The following NAA25 variants were observed in gnomAD, a reference collection of about 807,000 sequenced individuals.
NAA25 encodes the protein N-alpha-acetyltransferase 25, NatB auxiliary subunit.
Under a neutral mutation model 132.5 loss-of-function variants are expected in NAA25, and 30 were observed. That is an observed-to-expected ratio of 0.23 (90% confidence interval 0.17 to 0.31). The LOEUF is 0.31. Ranked by LOEUF, NAA25 falls within the 10% of genes least tolerant of loss-of-function variation. The probability of loss-of-function intolerance (pLI) is 1.00; values close to 1 mark genes in which losing one functional copy is unlikely to be tolerated. For missense variants in NAA25, 771 were observed against 1,150.4 expected, an observed-to-expected ratio of 0.67 and a Z score of 4.77; for synonymous variants, 359 against 401.9, an observed-to-expected ratio of 0.89 and a Z score of 1.28.
At chr12:112,042,127 G>A in intron 19 of NAA25, 23 bp from the exon 20 acceptor site, 1 of 1,261,932 alleles carries the variant, frequency 7.9e-7, no homozygotes, top group Non-Finnish European at 1.1e-6. Flanking sequence ...AACAAAAAAT[G>A]AAAAACTTTC....
intron 5 of NAA25, 142 bp downstream of exon 5, chr12:112,080,918 T>C: frequency 5.3e-6 from 4 of 760,218 alleles, no homozygotes; most frequent in South Asian, 4.5e-5. Context: ...CAGTGAGCTA[T>C]GATTGCACCA....
At position 112,069,973 on chromosome 12, in the gene NAA25, C is replaced by A. The variant is rs1357488594; in HGVS notation, c.1037-981G>T. On this transcript the variant is annotated intron_variant, in intron 10 of 23. Coordinates refer to ENST00000261745, the MANE Select transcript of NAA25 (RefSeq NM_024953.4). ...CAAAACCCCATCTCTACTGAAAATA[C>A]AAAAATTAGCCAGGTGTGGTGGCGA... 4.0e-5 allele frequency among the ~76,000 whole-genome samples: 6 copies of A among 149,622 alleles called. No individual in the cohort carries two copies. The Admixed American group carries it at 4.0e-4, about 10-fold the overall frequency.
intron 10 of NAA25, 69 bp downstream of exon 10, chr12:112,071,826 C>CGGTGGTTGCCGA: frequency 1.6e-6 from 2 of 1,247,878 alleles, no homozygotes; most frequent in Non-Finnish European, 1.1e-6. Context: ...GTGTAGATCT[C>CGGTGGTTGCCGA]AACTAATGAA....
chr12:112,029,208 G>A lies in NAA25; in HGVS notation c.*323C>T, dbSNP rs1183097745. On this transcript the variant is annotated 3_prime_UTR_variant, in exon 24 of 24. Coordinates refer to ENST00000261745, the MANE Select transcript of NAA25 (RefSeq NM_024953.4). ...TGCTTTATGCTTAATTTCTATTGCT[G>A]TTTTTATAGACCCCCCGCTCCCCTG... 1 of 270,892 alleles carries A rather than the reference G, an allele frequency of 3.7e-6. No homozygotes were observed. Among genetic ancestry groups the A allele is most frequent in the Non-Finnish European group, 7.1e-6 (1 of 141,304 alleles). The allele number at this position is 270,892 out of a possible 1,614,324, so 16.8% of individuals were successfully genotyped here. A position where few individuals can be genotyped will look rare whatever the true frequency, so the allele number is the denominator to read the frequency against.
chr12:112,045,486 C>CAAAAAAAAAAAAAAAAAAAAAAAAAAA (rs75644384), intron 17 of NAA25, among the ~76,000 whole-genome samples: 1 of 80,614 alleles, frequency 1.2e-5, no homozygotes, highest in Non-Finnish European at 3.2e-5. Context: ...GACTCCATCA[C>CAAAAAAAAAAAAAAAAAAAAAAAAAAA]AAAAAAAAAA....
intron 22 of NAA25, 190 bp from the exon 23 acceptor site, chr12:112,033,569 A>T: frequency 2.5e-6 from 1 of 400,922 alleles, no homozygotes; most frequent in Non-Finnish European, 4.3e-6. Flanking sequence ...TAATATTAAA[A>T]TAAATTTCCG....
At chr12:112,073,551 C>T (rs1369986620) in intron 9 of NAA25, among the ~76,000 whole-genome samples, 1 of 152,186 alleles carries the variant, frequency 6.6e-6, no homozygotes, top group East Asian at 1.9e-4. Context: ...ATTCTCCCTC[C>T]TCAGCCTCCA....
chr12:112,043,078 G>A lies in NAA25; in HGVS notation c.2374+10C>T. ...GACAAAGACCCTATAAACACACAGT[G>A]TACACTTACCTAAACCACTGGTATC... On this transcript the variant is annotated intron_variant, in intron 19 of 23. Transcript: ENST00000261745. 1 of 1,605,364 alleles carries A rather than the reference G, an allele frequency of 6.2e-7. No homozygotes were observed. Among genetic ancestry groups the A allele is most frequent in the Non-Finnish European group, 8.5e-7 (1 of 1,175,864 alleles).
chr12:112,108,313 T>A (rs780477471), intron 1 of NAA25, among the ~76,000 whole-genome samples: 1 of 152,068 alleles, frequency 6.6e-6, no homozygotes, highest in East Asian at 1.9e-4. Flanking sequence ...TAAAAAAAAA[T>A]CTCTGGTAGG....
chr12:112,085,262 G>A (rs1211923464), intron 4 of NAA25, among the ~76,000 whole-genome samples: 1 of 151,150 alleles, frequency 6.6e-6, no homozygotes, highest in Non-Finnish European at 1.5e-5. Flanking sequence ...TGTGGTGGCA[G>A]GCACCTGCAA....
rs769662277 is a variant in NAA25, at chr12:112,043,783, T to G, written c.2092A>C (p.Ser698Arg). 1 of 1,614,186 alleles carries G rather than the reference T, an allele frequency of 6.2e-7. No individual in the cohort carries two copies. ...RIRSLTLRLI[S>R]GLPSLNHPVE... ...GGGTGGTTGAGACTTGGAAGTCCACTTATCAGCCTCAATGTTAAGGATCGG... is the reference window on the plus strand; with the variant it reads ...GGGTGGTTGAGACTTGGAAGTCCACGTATCAGCCTCAATGTTAAGGATCGG... The change falls in exon 18 of 24, where the codon AGT becomes CGT. Residue 698 changes from serine to arginine, a missense_variant. By Grantham distance (110) the Ser-to-Arg change is moderately radical. Transcript: ENST00000261745.
intron 13 of NAA25, among the ~76,000 whole-genome samples, chr12:112,054,820 G>GT (rs2078520430): frequency 6.6e-6 from 1 of 152,176 alleles, no homozygotes; most frequent in Non-Finnish European, 1.5e-5. Flanking sequence ...GCCAGGTCTT[G>GT]TGGGGGGATG....
chr12:112,040,547 T>G lies in NAA25; in HGVS notation c.2472A>C (p.Leu824Phe). Residue 824 changes from leucine (L) to phenylalanine (F), a missense_variant, in exon 21 of 24, where the codon TTA becomes TTC. This residue lies in a region of NAA25 where 324 missense variants were observed against 400.0 expected (regional missense o/e 0.81). Transcript: ENST00000261745. Reference protein sequence around the residue: ...DVFSKCKGDLLEVKDGNLKTH... With the variant: ...DVFSKCKGDLFEVKDGNLKTH... Reference sequence around the variant, plus strand: ...TTTTCAAGTTACCATCTTTAACTTCTAAGAGGTCACCTTTACATTTACTGA... The same window carrying G: ...TTTTCAAGTTACCATCTTTAACTTCGAAGAGGTCACCTTTACATTTACTGA... 2 of 1,603,784 alleles carry G rather than the reference T, an allele frequency of 1.2e-6. No homozygotes were observed. Among genetic ancestry groups the G allele is most frequent in the Non-Finnish European group, 1.7e-6 (2 of 1,173,774 alleles).
chr12:112,092,253 A>C (rs1045373241), intron 2 of NAA25, among the ~76,000 whole-genome samples: 32 of 151,888 alleles, frequency 2.1e-4, no homozygotes, highest in Non-Finnish European at 3.8e-4. Flanking sequence ...AAAAGAAAAA[A>C]AAAACGAAAA....
Position 112,040,516 on chromosome 12 carries a change from G to A in NAA25, c.2503C>T (p.Pro835Ser). The A allele has an allele frequency of 6.2e-7, 1 of 1,604,252 alleles. No individual in the cohort carries two copies. The highest frequency in any genetic ancestry group is 8.5e-7 in the Non-Finnish European group (1 of 1,173,348). The change falls in exon 21 of 24, where the codon CCT becomes TCT. Residue 835 changes from proline (P) to serine (S), a missense_variant. Pro to Ser is a moderately conservative substitution (Grantham distance 74). Transcript: ENST00000261745. Reference sequence around the variant, plus strand: ...AAAACTAGATTTTCTAAAAGAGTAGGATGTGTTTTCAAGTTACCATCTTTA... The same window carrying A: ...AAAACTAGATTTTCTAAAAGAGTAGAATGTGTTTTCAAGTTACCATCTTTA... ...EVKDGNLKTHPTLLENLVFFV... is the reference protein window; with the variant it reads ...EVKDGNLKTHSTLLENLVFFV...
chr12:112,035,823 G>A (rs1399958805), intron 22 of NAA25, among the ~76,000 whole-genome samples: 8 of 151,744 alleles, frequency 5.3e-5, no homozygotes, highest in Admixed American at 3.9e-4. Context: ...GACTGACTAC[G>A]GGCATGTGCC....
intron 10 of NAA25, among the ~76,000 whole-genome samples, chr12:112,071,273 G>A (rs555454860): frequency 6.6e-6 from 1 of 152,162 alleles, no homozygotes; most frequent in Admixed American, 6.6e-5. Flanking sequence ...CGCCCACCTC[G>A]GCCTCCCAAA....
At chr12:112,102,279 G>A (rs940985518) in intron 1 of NAA25, among the ~76,000 whole-genome samples, 18 of 152,190 alleles carry the variant, frequency 1.2e-4, no homozygotes, top group African/African-American at 3.6e-4. Flanking sequence ...AGGCTGAGGC[G>A]GGAGGATCAC....
At chr12:112,083,205 C>T (rs1384653683) in intron 4 of NAA25, among the ~76,000 whole-genome samples, 2 of 152,142 alleles carry the variant, frequency 1.3e-5, no homozygotes, top group Non-Finnish European at 2.9e-5. Flanking sequence ...AGAGGCTGGG[C>T]ACCGTGGCTC....
Sources: allele counts gnomAD v4.1 joint callset (sites outside exome capture counted in the v4.1 genomes callset), GRCh38; gene constraint gnomAD v4.1.1; regional missense constraint gnomAD v4.1.1; transcripts MANE v1.5; gene names NCBI Gene and HGNC (gene_info 2026-07-23, HGNC 2026-07-21).